The following MEMO1 variants were observed in gnomAD, a reference collection of about 807,000 sequenced individuals.
The protein encoded by MEMO1 is protein MEMO1.
In MEMO1, 6 loss-of-function variants were observed where a neutral mutation model predicts 45.2. That is an observed-to-expected ratio of 0.13 (90% CI 0.07 to 0.26). The LOEUF (loss-of-function observed/expected upper bound fraction) is 0.26. Among genes scored for constraint, MEMO1 ranks in the 10% least tolerant of loss-of-function variants. The pLI, the probability that MEMO1 is intolerant of heterozygous loss-of-function variation, is 1.00. For missense variants in MEMO1, 184 were observed against 370.5 expected (o/e 0.50, Z 4.13); for synonymous variants, 78 against 124.3 (o/e 0.63, Z 2.48).
chr2:31,977,120 C>T (rs1021760856), intron 2 of MEMO1, among the ~76,000 whole-genome samples: 2 of 151,906 alleles, frequency 1.3e-5, no homozygotes, highest in African/African-American at 4.8e-5. Flanking sequence ...AAGCAGAAGA[C>T]GGCAGGGTAT....
chr2:32,002,947 T>A lies in MEMO1; in HGVS notation c.61+7240A>T, dbSNP rs2148605657. Among the ~76,000 whole-genome samples the A allele has an allele frequency of 6.6e-5, 10 of 152,280 alleles. 2 individuals carry two copies. The South Asian group carries it at 2.1e-3, about 32-fold the overall frequency. On this transcript the variant is annotated intron_variant, in intron 2 of 9. Transcript: ENST00000404530. Reference sequence around the variant, plus strand: ...CTTCTTGCCTTTCTGCAAGGTAAAATAATAGGATGGGATGCAAAGAAAAAT... The same window carrying A: ...CTTCTTGCCTTTCTGCAAGGTAAAAAAATAGGATGGGATGCAAAGAAAAAT...
intron 6 of MEMO1, among the ~76,000 whole-genome samples, chr2:31,904,472 T>C (rs752826361): frequency 7.2e-5 from 11 of 152,228 alleles, no homozygotes; most frequent in Non-Finnish European, 1.2e-4. Context: ...AGAAATACTA[T>C]GTACTTTCTA....
intron 2 of MEMO1, among the ~76,000 whole-genome samples, chr2:32,006,661 C>T (rs1244990486): frequency 6.6e-6 from 1 of 151,392 alleles, no homozygotes; most frequent in East Asian, 1.9e-4. Flanking sequence ...ATACCTGCTG[C>T]ACACACATAA....
intron 2 of MEMO1, among the ~76,000 whole-genome samples, chr2:31,996,020 A>G (rs944541110): frequency 1.3e-5 from 2 of 152,226 alleles, no homozygotes; most frequent in African/African-American, 4.8e-5. Flanking sequence ...CTACCTTTCA[A>G]TAAAGAAGGG....
chr2:31,953,323 T>C (rs1424340697), intron 2 of MEMO1, among the ~76,000 whole-genome samples: 2 of 135,418 alleles, frequency 1.5e-5, no homozygotes, highest in Non-Finnish European at 1.5e-5. Flanking sequence ...GCTGAGATCA[T>C]GCCATTGCAC....
intron 4 of MEMO1, chr2:31,923,802 T>C: frequency 1.4e-6 from 2 of 1,480,954 alleles, no homozygotes; most frequent in Non-Finnish European, 1.8e-6. Flanking sequence ...CATACATAAA[T>C]TTCCTAAGTA....
chr2:31,974,652 G>A (rs1669794057), intron 2 of MEMO1, among the ~76,000 whole-genome samples: 2 of 152,060 alleles, frequency 1.3e-5, no homozygotes, highest in African/African-American at 2.4e-5. Context: ...GGCTGAGGCA[G>A]GAGAACCACT....
intron 4 of MEMO1, among the ~76,000 whole-genome samples, chr2:31,927,651 A>AC (rs1039482240): frequency 6.6e-6 from 1 of 151,888 alleles, no homozygotes; most frequent in Non-Finnish European, 1.5e-5. Context: ...AAAAAAAAAA[A>AC]AAAAGTAAAG....
chr2:31,871,728 G>A (rs1464050530), intron 8 of MEMO1, among the ~76,000 whole-genome samples: 3 of 151,814 alleles, frequency 2.0e-5, no homozygotes, highest in Non-Finnish European at 4.4e-5. Flanking sequence ...TTAAACCTAA[G>A]ATGGGCCAGG....
chr2:31,892,233 G>A lies in MEMO1; in HGVS notation c.438-99C>T, dbSNP rs1677081445. On this transcript the variant is annotated intron_variant, in intron 6 of 9. Transcript: ENST00000404530. ...AGAAAGTGGAATATGTATTAATAGT[G>A]GTAAGGATAACATATGTAATTATTA... The A allele has an allele frequency of 3.0e-6, 3 of 1,013,078 alleles. No individual in the cohort carries two copies. The East Asian group carries it at 7.2e-5, about 24-fold the overall frequency. 62.8% of individuals were successfully genotyped at this position (1,013,078 alleles called of 1,614,324 possible).
chr2:31,969,574 GGTGTGTGTGTGGGTGTGTGTGTGTGT>G (rs1669078072), intron 2 of MEMO1, among the ~76,000 whole-genome samples: 1 of 110,706 alleles, frequency 9.0e-6, no homozygotes, highest in Admixed American at 9.4e-5. Context: ...CTTTTCTGGG[GGTGTGTGTGTGGGTGTGTGTGTGTGT>G]GTGTGTGTGT....
intron 2 of MEMO1, 152 bp downstream of exon 2, chr2:32,010,035 T>A (rs1484706651): frequency 3.0e-5 from 6 of 199,264 alleles, no homozygotes; most frequent in African/African-American, 1.4e-4. Context: ...CGGCCTCGGC[T>A]CGCTCCCTCC....
intron 2 of MEMO1, among the ~76,000 whole-genome samples, chr2:31,994,976 G>C (rs923636079): frequency 6.7e-6 from 1 of 149,460 alleles, no homozygotes; most frequent in East Asian, 2.0e-4. Flanking sequence ...GAGGGAGAGA[G>C]GAAGGGAGGA....
chr2:32,009,062 A>G (rs1256905672), intron 2 of MEMO1, among the ~76,000 whole-genome samples: 1 of 152,206 alleles, frequency 6.6e-6, no homozygotes, highest in African/African-American at 2.4e-5. Context: ...TGTCTTTGTT[A>G]ACATACCAGA....
intron 2 of MEMO1, among the ~76,000 whole-genome samples, chr2:32,009,449 C>CT (rs772365702): frequency 1.9e-4 from 29 of 152,126 alleles, no homozygotes; most frequent in Non-Finnish European, 3.7e-4. Flanking sequence ...AGGCCCTCCT[C>CT]TGACAGATCT....
At chr2:31,959,663 A>C (rs1223190275) in intron 2 of MEMO1, among the ~76,000 whole-genome samples, 1 of 152,222 alleles carries the variant, frequency 6.6e-6, no homozygotes, top group Non-Finnish European at 1.5e-5. Context: ...TACTCCAAAA[A>C]AAAATGAAGG....
chr2:31,949,505 C>T (rs1666574492), intron 2 of MEMO1, among the ~76,000 whole-genome samples: 1 of 151,692 alleles, frequency 6.6e-6, no homozygotes, highest in Non-Finnish European at 1.5e-5. Context: ...ACCAGAAAGA[C>T]AAACAATGCA....
At chr2:31,939,017 T>G (rs972847786) in intron 3 of MEMO1, among the ~76,000 whole-genome samples, 2 of 151,432 alleles carry the variant, frequency 1.3e-5, no homozygotes, top group African/African-American at 4.8e-5. Context: ...ACTCCTGAGC[T>G]CAAGCATCTT....
intron 2 of MEMO1, among the ~76,000 whole-genome samples, chr2:31,988,661 A>C (rs1476496401): frequency 6.6e-6 from 1 of 152,228 alleles, no homozygotes; most frequent in African/African-American, 2.4e-5. Flanking sequence ...AACACTCACC[A>C]AATTTTTTAA....
Sources: gnomAD v4.1 joint callset for allele counts (sites outside exome capture counted in the v4.1 genomes callset) on GRCh38, gnomAD v4.1.1 for gene constraint, MANE v1.5 for transcripts, NCBI Gene and HGNC (gene_info 2026-07-23, HGNC 2026-07-21) for gene names.